Variants in RAP2A observed in about 807,000 individuals in gnomAD.
RAP2A encodes the protein ras-related protein Rap-2a.
Under a neutral mutation model 15.1 loss-of-function variants are expected in RAP2A, and 5 were observed. The ratio of observed to expected loss-of-function variants is 0.33; its 90% confidence interval spans 0.17 to 0.70. The LOEUF (loss-of-function observed/expected upper bound fraction) is 0.70, where lower values mean the gene tolerates loss of function less well. RAP2A is among the 30% of genes least tolerant of loss of function. The pLI, the probability that RAP2A is intolerant of heterozygous loss-of-function variation, is 0.68. For synonymous variants in RAP2A, 110 were observed against 99.7 expected (o/e 1.10, Z -0.62); for missense variants, 111 against 240.3 (o/e 0.46, Z 3.56).
intron 1 of RAP2A, among the ~76,000 whole-genome samples, chr13:97,446,165 G>A (rs962855874): frequency 6.6e-6 from 1 of 152,114 alleles, no homozygotes; most frequent in African/African-American, 2.4e-5. Flanking sequence ...GTCTATGCTT[G>A]TTGTTCTCTA....
intron 1 of RAP2A, among the ~76,000 whole-genome samples, chr13:97,448,338 G>A (rs775316515): frequency 6.6e-6 from 1 of 152,164 alleles, no homozygotes; most frequent in African/African-American, 2.4e-5. Flanking sequence ...GACGATTTGA[G>A]AGAACTTAGA....
chr13:97,464,124 C>T (rs2066759620), intron 1 of RAP2A, 81 bp from the exon 2 acceptor site: 1 of 1,398,634 alleles, frequency 7.1e-7, no homozygotes. Context: ...GGAATAGCCC[C>T]CAAAAACGAA....
In RAP2A at chr13:97,466,858, C is replaced by T. The variant is rs1488619910; in HGVS notation, c.*2416C>T. 3 of 152,176 alleles carry T rather than the reference C, an allele frequency of 2.0e-5. No individual in the cohort carries two copies. Among genetic ancestry groups the T allele is most frequent in the African/African-American group, 7.2e-5 (3 of 41,500 alleles). 9.4% of individuals were successfully genotyped at this position (152,176 alleles called of 1,614,324 possible). ...AGTGACCAAGGCATCAAGGACATCC[C>T]GAAACTGGAAATTCATATCCATCTG... is the stretch of plus-strand genomic sequence containing the variant. On this transcript the variant is annotated 3_prime_UTR_variant, in exon 2 of 2. Coordinates refer to ENST00000245304, the MANE Select transcript of RAP2A (RefSeq NM_021033.7).
intron 1 of RAP2A, among the ~76,000 whole-genome samples, chr13:97,451,801 C>G (rs1375395980): frequency 6.6e-6 from 1 of 151,190 alleles, no homozygotes; most frequent in Non-Finnish European, 1.5e-5. Context: ...AACATTTGAT[C>G]AAGTCAGTCT....
chr13:97,460,808 C>T (rs1404515273), intron 1 of RAP2A, among the ~76,000 whole-genome samples: 3 of 152,200 alleles, frequency 2.0e-5, no homozygotes, highest in Non-Finnish European at 2.9e-5. Flanking sequence ...GCCCCCATCA[C>T]CATGGATGTT....
At chr13:97,445,330 T>C (rs958032664) in intron 1 of RAP2A, among the ~76,000 whole-genome samples, 8 of 152,336 alleles carry the variant, frequency 5.3e-5, no homozygotes, top group African/African-American at 1.9e-4. Flanking sequence ...CAATCAGTAA[T>C]GTTGACTGGT....
At chr13:97,440,230 G>C (rs2066651614) in intron 1 of RAP2A, among the ~76,000 whole-genome samples, 1 of 151,966 alleles carries the variant, frequency 6.6e-6, no homozygotes, top group Non-Finnish European at 1.5e-5. Flanking sequence ...TAATAGCTGT[G>C]GGTCACTTTT....
intron 1 of RAP2A, among the ~76,000 whole-genome samples, chr13:97,442,802 C>A (rs181015650): frequency 2.6e-5 from 4 of 152,138 alleles, no homozygotes; most frequent in Admixed American, 2.0e-4. Context: ...CCCAGCAATG[C>A]TGTGTAAGAT....
chr13:97,463,652 C>T (rs2066757796), intron 1 of RAP2A, among the ~76,000 whole-genome samples: 1 of 152,060 alleles, frequency 6.6e-6, no homozygotes. Flanking sequence ...TGCGGTGGCA[C>T]GATCTCAGCT....
At chr13:97,462,758 C>T (rs2066753280) in intron 1 of RAP2A, among the ~76,000 whole-genome samples, 1 of 152,128 alleles carries the variant, frequency 6.6e-6, no homozygotes, top group Non-Finnish European at 1.5e-5. Context: ...GGCACACTAC[C>T]TGGAGTATGC....
intron 1 of RAP2A, among the ~76,000 whole-genome samples, chr13:97,442,811 A>G (rs962652995): frequency 6.6e-6 from 1 of 152,176 alleles, no homozygotes; most frequent in Non-Finnish European, 1.5e-5. Flanking sequence ...GCTGTGTAAG[A>G]TTACGAAAAT....
intron 1 of RAP2A, 113 bp downstream of exon 1, chr13:97,434,897 C>G: frequency 7.1e-7 from 1 of 1,406,540 alleles, no homozygotes; most frequent in South Asian, 1.4e-5. Flanking sequence ...TGGCTCCAAG[C>G]TGGAGGCTTT....
intron 1 of RAP2A, among the ~76,000 whole-genome samples, chr13:97,450,483 C>T (rs1339672114): frequency 6.6e-6 from 1 of 151,894 alleles, no homozygotes; most frequent in Non-Finnish European, 1.5e-5. Flanking sequence ...ATATATGTGC[C>T]CGAGCTTCAG....
chr13:97,463,929 A>T (rs957228262), intron 1 of RAP2A, among the ~76,000 whole-genome samples: 6 of 152,366 alleles, frequency 3.9e-5, no homozygotes, highest in African/African-American at 1.4e-4. Flanking sequence ...TTCTGAGAAT[A>T]ATTTTCCAAG....
chr13:97,454,488 A>G (rs905298024), intron 1 of RAP2A, among the ~76,000 whole-genome samples: 1 of 151,148 alleles, frequency 6.6e-6, no homozygotes, highest in Non-Finnish European at 1.5e-5. Flanking sequence ...TACATTATAA[A>G]TACCTAACCG....
intron 1 of RAP2A, among the ~76,000 whole-genome samples, chr13:97,461,831 T>C (rs775873294): frequency 3.4e-4 from 51 of 151,340 alleles, no homozygotes; most frequent in Admixed American, 2.6e-4. Flanking sequence ...GGCGTGGTGG[T>C]GGGCGCCTGT....
In RAP2A at chr13:97,464,356, C is replaced by A. The variant is rs1203128423; in HGVS notation, c.466C>A (p.Leu156Ile). Residue 156 changes from leucine (L) to isoleucine (I), a missense_variant, in exon 2 of 2, where the codon CTC becomes ATC. Coordinates refer to ENST00000245304, the MANE Select transcript of RAP2A (RefSeq NM_021033.7). ...SAKSKTMVDELFAEIVRQMNY... is the reference protein window; with the variant it reads ...SAKSKTMVDEIFAEIVRQMNY... ...TAAGAGTAAAACAATGGTGGACGAA[C>A]TCTTTGCAGAAATTGTGAGGCAGAT... The A allele has an allele frequency of 2.5e-6, 4 of 1,614,204 alleles. No homozygotes were observed. In the South Asian group the frequency reaches 4.4e-5, roughly 18 times the overall value.
chr13:97,447,517 C>G (rs2066684694), intron 1 of RAP2A, among the ~76,000 whole-genome samples: 1 of 152,032 alleles, frequency 6.6e-6, no homozygotes, highest in East Asian at 1.9e-4. Flanking sequence ...AGTAAAGATC[C>G]CTGCATTCTG....
intron 1 of RAP2A, among the ~76,000 whole-genome samples, chr13:97,462,809 GA>G (rs2066753559): frequency 6.6e-6 from 1 of 152,046 alleles, no homozygotes. Context: ...TAGTGTCAAA[GA>G]AAAAAAGTGA....
Sources: allele counts gnomAD v4.1 joint callset (sites outside exome capture counted in the v4.1 genomes callset), GRCh38; gene constraint gnomAD v4.1.1; transcripts MANE v1.5; gene names NCBI Gene and HGNC (gene_info 2026-07-23, HGNC 2026-07-21).